The following STOML1 variants were observed in gnomAD, a reference collection of about 807,000 sequenced individuals.
STOML1 encodes stomatin like 1, also known as stomatin-like protein 1.
Under a neutral mutation model 35.7 loss-of-function variants are expected in STOML1, and 27 were observed. The ratio of observed to expected loss-of-function variants is 0.76; its 90% CI spans 0.56 to 1.04. The LOEUF is 1.04. Ranked by LOEUF, STOML1 falls within the 50% of genes least tolerant of loss-of-function variation. The probability of loss-of-function intolerance (pLI) is 0.00; values close to 1 mark genes in which losing one functional copy is unlikely to be tolerated. For synonymous variants in STOML1, 219 were observed against 227.9 expected (o/e 0.96, Z 0.35); for missense variants, 451 against 527.1 (o/e 0.86, Z 1.41).
chr15:73,989,019 T>G, intron 3 of STOML1, 89 bp downstream of exon 3: 1 of 1,510,096 alleles, frequency 6.6e-7, no homozygotes, highest in Non-Finnish European at 8.9e-7. Context: ...CCCCCTCAGA[T>G]GGTGACTCAC....
intron 1 of STOML1, 145 bp downstream of exon 1, chr15:73,991,946 C>T: frequency 1.6e-6 from 2 of 1,278,936 alleles, no homozygotes; most frequent in South Asian, 3.1e-5. Flanking sequence ...CGGGTCCAGC[C>T]CCCTCTCCAC....
At chr15:73,990,022 G>A in intron 2 of STOML1, 1 of 237,918 alleles carries the variant, frequency 4.2e-6, no homozygotes, top group Admixed American at 5.1e-5. Context: ...GGCTAAGTTG[G>A]GTGTTTTCAT....
Position 73,989,038 on chromosome 15 carries a change from G to A in STOML1, c.390+70C>T, listed in dbSNP as rs2069182628. On this transcript the variant is annotated intron_variant, in intron 3 of 6. Transcript: ENST00000541638. The stretch of plus-strand genomic sequence containing the variant: ...CTCAGATGGTGACTCACAGGCTGAG[G>A]TCCTGGCACCACAGTACATTCTGGA... 7 of 1,517,998 alleles carry A rather than the reference G, an allele frequency of 4.6e-6. No homozygotes were observed. In the South Asian group the frequency reaches 5.2e-5, roughly 11 times the overall value. The allele number at this position is 1,517,998 out of a possible 1,614,324, so 94.0% of individuals were successfully genotyped here.
upstream of STOML1, among the ~76,000 whole-genome samples, chr15:73,994,034 C>T (rs539933431): frequency 6.6e-6 from 1 of 152,256 alleles, no homozygotes; most frequent in African/African-American, 2.4e-5. Flanking sequence ...GCACCTGCTC[C>T]TAGGTTGTCA....
In STOML1 at chr15:73,979,956, T is replaced by C. The variant is rs2068943813; in HGVS notation, c.*3981A>G. ...AAAAAAGCCAGGCATGGTGATCCTT[T>C]AAGCCTGGGAGGTTGAGGCTGCAGT... On this transcript the variant is annotated 3_prime_UTR_variant, in exon 7 of 7. Transcript: ENST00000541638. 6.8e-6 allele frequency: 1 copy of C among 147,974 alleles called. No individual in the cohort carries two copies. The highest frequency in any genetic ancestry group is 6.7e-5 in the Admixed American group (1 of 14,880). 9.2% of individuals were successfully genotyped at this position (147,974 alleles called of 1,614,324 possible).
At position 73,979,350 on chromosome 15, in the gene STOML1, A is replaced by G. The variant is rs539727499; in HGVS notation, c.*4587T>C. On this transcript the variant is annotated 3_prime_UTR_variant, in exon 7 of 7. Transcript: ENST00000541638. ...CACCTCAGATGACACTTTTTATTTT[A>G]TCTTTATTTATTTAATTTTGAGATG... is the stretch of plus-strand genomic sequence containing the variant. 2 of 152,104 alleles carry G rather than the reference A, an allele frequency of 1.3e-5. No homozygotes were observed. The highest frequency in any genetic ancestry group is 4.8e-5 in the African/African-American group (2 of 41,486). The allele number at this position is 152,104 out of a possible 1,614,324, so 9.4% of individuals were successfully genotyped here.
At position 73,979,010 on chromosome 15, in the gene STOML1, CCTCT is replaced by C. The variant is rs2068930946; in HGVS notation, c.*4923_*4926del. On this transcript the variant is annotated 3_prime_UTR_variant, in exon 7 of 7. Transcript: ENST00000541638. ...TCAATGGATGAATGAATACATTGTG[CCTCT>C]ATCTAGACAATGGAATGTGTTGGCA... 6.6e-6 allele frequency: 1 copy of C among 152,170 alleles called. No homozygotes were observed. The allele number at this position is 152,170 out of a possible 1,614,324, so 9.4% of individuals were successfully genotyped here.
chr15:73,984,460 C>T (rs1189161246), intron 6 of STOML1, among the ~76,000 whole-genome samples, 199 bp downstream of exon 6: 2 of 152,246 alleles, frequency 1.3e-5, no homozygotes, highest in East Asian at 3.8e-4. Flanking sequence ...TATTGGAAGC[C>T]TGGCTGCATT....
At position 73,992,078 on chromosome 15, in the gene STOML1, G is replaced by A. The variant is rs2069296880; in HGVS notation, c.133+13C>T. The A allele has an allele frequency of 1.3e-6, 2 of 1,570,190 alleles. No individual in the cohort carries two copies. Among genetic ancestry groups the A allele is most frequent in the African/African-American group, 1.4e-5 (1 of 72,888 alleles). On this transcript the variant is annotated intron_variant, in intron 1 of 6. Coordinates refer to ENST00000541638, the MANE Select transcript of STOML1 (RefSeq NM_004809.5). ...GGTCCCCCCCGGCTCCGCCGTGCCA[G>A]GCGGCCACTCACCGGCCCCTGTCCC...
Position 73,990,433 on chromosome 15 carries a change from C to A in STOML1, c.158G>T (p.Cys53Phe). 6.2e-7 allele frequency: 1 copy of A among 1,613,800 alleles called. No homozygotes were observed. Among genetic ancestry groups the A allele is most frequent in the Non-Finnish European group, 8.5e-7 (1 of 1,179,830 alleles). ...GAAACTGATGAGGCCATGACAGAGG[C>A]AGGAGGGCCAGCTCTGGGGTACATC... ...GADVPQSWPS[C>F]LCHGLISFLG... Residue 53 changes from cysteine to phenylalanine, a missense_variant, in exon 2 of 7, where the codon TGC (cysteine) becomes TTC (phenylalanine). By Grantham distance (205) the Cys-to-Phe change is radical (BLOSUM62 -2). Coordinates refer to ENST00000541638, the MANE Select transcript of STOML1 (RefSeq NM_004809.5).
chr15:73,988,529 C>A lies in STOML1; in HGVS notation c.594+70G>T. 1 of 1,583,216 alleles carries A rather than the reference C, an allele frequency of 6.3e-7. No homozygotes were observed. The highest frequency in any genetic ancestry group is 8.6e-7 in the Non-Finnish European group (1 of 1,162,656). On this transcript the variant is annotated intron_variant, in intron 4 of 6. Coordinates refer to ENST00000541638, the MANE Select transcript of STOML1 (RefSeq NM_004809.5). The surrounding 1 kb of genome is among the most constrained non-coding windows in gnomAD (Gnocchi z 4.8). ...GCCCAGAGTGGTCTGACTCTTTTCT[C>A]AAAGTGACCTGGCAGGTGGAGCCAG...
At chr15:73,989,012 C>T in intron 3 of STOML1, 96 bp downstream of exon 3, 1 of 1,507,698 alleles carries the variant, frequency 6.6e-7, no homozygotes, top group Non-Finnish European at 8.9e-7. Flanking sequence ...CCCCTTCCCC[C>T]CTCAGATGGT....
rs1274848628 is a variant in STOML1, at chr15:73,979,204, T to C, written c.*4733A>G. 6.6e-6 allele frequency: 1 copy of C among 152,154 alleles called. No homozygotes were observed. The highest frequency in any genetic ancestry group is 1.5e-5 in the Non-Finnish European group (1 of 68,036). The allele number at this position is 152,154 out of a possible 1,614,324, so 9.4% of individuals were successfully genotyped here. ...CGGTTATGGAAAGGTCAGTGGCTGC[T>C]CAAAGCTGGAGGTGGCAAGCACTGA... is the stretch of plus-strand genomic sequence containing the variant. On this transcript the variant is annotated 3_prime_UTR_variant, in exon 7 of 7. Coordinates refer to ENST00000541638, the MANE Select transcript of STOML1 (RefSeq NM_004809.5).
In STOML1 at chr15:73,980,395, A is replaced by G. The variant is rs138877303; in HGVS notation, c.*3542T>C. 3 of 152,246 alleles carry G rather than the reference A, an allele frequency of 2.0e-5. No homozygotes were observed. The highest frequency in any genetic ancestry group is 2.9e-5 in the Non-Finnish European group (2 of 68,034). The allele number at this position is 152,246 out of a possible 1,614,324, so 9.4% of individuals were successfully genotyped here. ...AAATAATCAAAATGTCTATCGGTCCACGACAGGTTGAATAATTTATGATAC... is the reference window on the plus strand; with the variant it reads ...AAATAATCAAAATGTCTATCGGTCCGCGACAGGTTGAATAATTTATGATAC... On this transcript the variant is annotated 3_prime_UTR_variant, in exon 7 of 7. Coordinates refer to ENST00000541638, the MANE Select transcript of STOML1 (RefSeq NM_004809.5).
Position 73,988,611 on chromosome 15 carries a change from G to A in STOML1, c.582C>T (p.Ser194=), listed in dbSNP as rs773880372. Residue 194 remains serine, a synonymous_variant, in exon 4 of 7, where the codon AGC becomes AGT. Transcript: ENST00000541638. The surrounding 1 kb of genome is among the most constrained non-coding windows in gnomAD (Gnocchi z 4.8). ...REIQMEKLKI[S]DQLLLEINDV... is the part of the protein sequence containing the mutation. ...AGGGGCTGCCTACCAGAAGCTGGTCGCTGATCTTGAGCTTCTCCATCTGGA... is the reference window on the plus strand; with the variant it reads ...AGGGGCTGCCTACCAGAAGCTGGTCACTGATCTTGAGCTTCTCCATCTGGA... 3.0e-5 allele frequency: 48 copies of A among 1,614,086 alleles called. No individual in the cohort carries two copies. The highest frequency in any genetic ancestry group is 1.6e-4 in the Middle Eastern group (1 of 6,076).
chr15:73,987,417 C>G (rs1057141794), intron 4 of STOML1: 1 of 152,252 alleles, frequency 6.6e-6, no homozygotes, highest in Non-Finnish European at 1.5e-5. Flanking sequence ...TTAAAGGACT[C>G]TCACATCCTG....
chr15:73,984,549 C>T (rs1052288006), intron 6 of STOML1, 110 bp downstream of exon 6: 29 of 1,321,760 alleles, frequency 2.2e-5, no homozygotes, highest in South Asian at 5.5e-5. Context: ...CATGGGTTCA[C>T]CCCAAATTAT....
At chr15:73,985,033 T>C (rs772491689) in intron 5 of STOML1, among the ~76,000 whole-genome samples, 162 bp from the exon 6 acceptor site, 10 of 152,228 alleles carry the variant, frequency 6.6e-5, no homozygotes, top group Non-Finnish European at 1.3e-4. Flanking sequence ...AAGGTGCCCC[T>C]GAGTTTTCAG....
chr15:73,992,311 G>T (rs1005116479), upstream of STOML1: 1 of 1,402,064 alleles, frequency 7.1e-7, no homozygotes, highest in East Asian at 2.9e-5. Context: ...CCTGGCTGCT[G>T]CTTCCGGCTT....
Sources: gnomAD v4.1 joint callset for allele counts (sites outside exome capture counted in the v4.1 genomes callset) on GRCh38, gnomAD v4.1.1 for gene constraint, Gnocchi (gnomAD v3.1) non-coding constraint, MANE v1.5 for transcripts, NCBI Gene and HGNC (gene_info 2026-07-23, HGNC 2026-07-21) for gene names.